Variants in XYLT1 observed in about 807,000 individuals in gnomAD.
XYLT1 encodes the protein beta-D-xylosyltransferase 1.
In XYLT1, 36 loss-of-function variants were observed where a neutral mutation model predicts 91.3. The observed-to-expected ratio is 0.39, with a 90% confidence interval of 0.30 to 0.52. XYLT1 has a LOEUF of 0.52. Ranked by LOEUF, XYLT1 falls within the 20% of genes least tolerant of loss-of-function variation. XYLT1 has a pLI of 0.68. For missense variants in XYLT1, 1,242 were observed against 1,284.5 expected (o/e 0.97, Z 0.51); for synonymous variants, 588 against 532.0 (o/e 1.11, Z -1.45).
rs564847916 is a variant in XYLT1, at chr16:17,109,035, C to T, written c.2558-18G>A. The T allele has an allele frequency of 1.4e-5, 21 of 1,496,680 alleles. No homozygotes were observed. The highest frequency in any genetic ancestry group is 1.9e-5 in the Non-Finnish European group (21 of 1,121,088). 92.7% of individuals were successfully genotyped at this position (1,496,680 alleles called of 1,614,324 possible). On this transcript the variant is annotated intron_variant, in intron 11 of 11. Transcript: ENST00000261381. ...TGCCTCCTCTGAAAGCCAAAGGGAA[C>T]AATTTCAGGATCAGAAGAGCCACCA...
At chr16:17,282,284 T>C (rs918630458) in intron 2 of XYLT1, among the ~76,000 whole-genome samples, 34 of 152,008 alleles carry the variant, frequency 2.2e-4, no homozygotes, top group African/African-American at 8.2e-4. Flanking sequence ...CCCTACCCCC[T>C]GGCCAGTAAG....
intron 2 of XYLT1, among the ~76,000 whole-genome samples, chr16:17,302,967 A>C (rs1302307954): frequency 2.0e-5 from 3 of 152,004 alleles, no homozygotes; most frequent in Non-Finnish European, 4.4e-5. Context: ...GCTTAATGCA[A>C]GGGGATAAGC....
intron 5 of XYLT1, among the ~76,000 whole-genome samples, chr16:17,166,602 C>A (rs1355261881): frequency 6.6e-6 from 1 of 152,048 alleles, no homozygotes; most frequent in Non-Finnish European, 1.5e-5. Context: ...ACCTCCACCT[C>A]CTGGGTTCGA....
At chr16:17,285,660 G>C (rs8062743) in intron 2 of XYLT1, among the ~76,000 whole-genome samples, 1 of 152,056 alleles carries the variant, frequency 6.6e-6, no homozygotes, top group South Asian at 2.1e-4. Flanking sequence ...CCTCACCCTG[G>C]CTTGCATTCA....
chr16:17,230,711 G>A (rs763517658), intron 3 of XYLT1, among the ~76,000 whole-genome samples: 1 of 152,108 alleles, frequency 6.6e-6, no homozygotes, highest in Non-Finnish European at 1.5e-5. Context: ...CCTTGGCTCC[G>A]TGATAGCCTT....
chr16:17,454,631 G>A (rs1407055650), intron 1 of XYLT1, among the ~76,000 whole-genome samples: 1 of 151,792 alleles, frequency 6.6e-6, no homozygotes, highest in Non-Finnish European at 1.5e-5. Context: ...CTGCCTCCCG[G>A]GTTCAAGTGA....
chr16:17,144,133 GTCTA>G (rs58383247), intron 6 of XYLT1, among the ~76,000 whole-genome samples: 17,681 of 152,198 alleles, frequency 0.12, 1,401 homozygotes, highest in Non-Finnish European at 0.17. Context: ...TGTGATTACT[GTCTA>G]CCCTTTCCAG....
At chr16:17,462,119 G>A (rs1187828879) in intron 1 of XYLT1, among the ~76,000 whole-genome samples, 2 of 152,142 alleles carry the variant, frequency 1.3e-5, no homozygotes, top group African/African-American at 2.4e-5. Flanking sequence ...GCCCTGGGAG[G>A]AGAAACAAAT....
chr16:17,207,448 G>T (rs1046013354), intron 3 of XYLT1, among the ~76,000 whole-genome samples: 4 of 152,088 alleles, frequency 2.6e-5, no homozygotes, highest in Admixed American at 2.6e-4. Context: ...CTTGCCCCTG[G>T]ACCTGGTACA....
chr16:17,399,112 G>A (rs566947493), intron 1 of XYLT1, among the ~76,000 whole-genome samples: 30 of 152,178 alleles, frequency 2.0e-4, no homozygotes, highest in African/African-American at 6.7e-4. Flanking sequence ...TGCAATGACC[G>A]TCTTTCCAAA....
chr16:17,381,029 T>TA (rs1252126623), intron 1 of XYLT1, among the ~76,000 whole-genome samples: 5 of 152,172 alleles, frequency 3.3e-5, no homozygotes, highest in Non-Finnish European at 2.9e-5. Flanking sequence ...GGGCTATACT[T>TA]TGTTGTCGTT....
chr16:17,219,351 A>C (rs1417503688), intron 3 of XYLT1, among the ~76,000 whole-genome samples: 1 of 152,038 alleles, frequency 6.6e-6, no homozygotes, highest in Non-Finnish European at 1.5e-5. Context: ...CTACTGGGTG[A>C]CACACTGCAG....
chr16:17,136,101 T>TGACCACACACAATA (rs2030708626), intron 8 of XYLT1, among the ~76,000 whole-genome samples: 1 of 152,204 alleles, frequency 6.6e-6, no homozygotes, highest in Non-Finnish European at 1.5e-5. Context: ...CAACAACTAC[T>TGACCACACACAATA]GACCACACAC....
chr16:17,238,823 T>A (rs2033290439), intron 3 of XYLT1, among the ~76,000 whole-genome samples: 1 of 152,254 alleles, frequency 6.6e-6, no homozygotes. Context: ...TCCATCCTTT[T>A]CAGTTTCTCC....
chr16:17,294,809 C>T (rs1318032977), intron 2 of XYLT1, among the ~76,000 whole-genome samples: 1 of 152,088 alleles, frequency 6.6e-6, no homozygotes, highest in African/African-American at 2.4e-5. Context: ...GGGGCAGGTA[C>T]AAGCACCCTT....
intron 3 of XYLT1, among the ~76,000 whole-genome samples, chr16:17,201,994 C>A (rs2032552573): frequency 6.6e-6 from 1 of 152,150 alleles, no homozygotes; most frequent in Admixed American, 6.6e-5. Context: ...AATCCTATAC[C>A]ACATCCACTT....
chr16:17,129,095 A>AAAC (rs1567285091), intron 9 of XYLT1, among the ~76,000 whole-genome samples: 1 of 150,118 alleles, frequency 6.7e-6, no homozygotes, highest in Non-Finnish European at 1.5e-5. Flanking sequence ...AAAAAAAAAA[A>AAAC]AACTTGAACA....
chr16:17,445,420 AGAGT>A (rs2036579726), intron 1 of XYLT1, among the ~76,000 whole-genome samples: 1 of 152,246 alleles, frequency 6.6e-6, no homozygotes, highest in Admixed American at 6.6e-5. Flanking sequence ...GTGACCACAT[AGAGT>A]GAGTCGGCTG....
At chr16:17,272,405 C>A (rs2033911146) in intron 2 of XYLT1, among the ~76,000 whole-genome samples, 1 of 152,042 alleles carries the variant, frequency 6.6e-6, no homozygotes, top group Admixed American at 6.5e-5. Flanking sequence ...CTCAAGTGAT[C>A]TGCCTCCCTT....
Sources: gnomAD v4.1 joint callset for allele counts (sites outside exome capture counted in the v4.1 genomes callset) on GRCh38, gnomAD v4.1.1 for gene constraint, MANE v1.5 for transcripts, NCBI Gene and HGNC (gene_info 2026-07-23, HGNC 2026-07-21) for gene names.